PLEKHD1: variants seen among roughly 807,000 people sequenced by gnomAD.
PLEKHD1 encodes pleckstrin homology and coiled-coil domain containing D1, also known as pleckstrin homology domain-containing family D member 1.
In PLEKHD1, 51 loss-of-function variants were observed where a neutral mutation model predicts 69.2. That is an observed-to-expected ratio of 0.74 (90% confidence interval 0.59 to 0.93). The LOEUF (loss-of-function observed/expected upper bound fraction) is 0.93, where lower values mean the gene tolerates loss of function less well. Ranked by LOEUF, PLEKHD1 falls within the 40% of genes least tolerant of loss-of-function variation. PLEKHD1 has a pLI of 0.00. For synonymous variants in PLEKHD1, 236 were observed against 244.7 expected (o/e 0.96, Z 0.33); for missense variants, 584 against 641.0 (o/e 0.91, Z 0.96).
rs1883681961 is a variant in PLEKHD1, at chr14:69,527,444, C to G, written c.1201+112C>G. The G allele has an allele frequency of 3.5e-6, 5 of 1,427,510 alleles. No individual in the cohort carries two copies. The South Asian group carries it at 6.4e-5, about 18-fold the overall frequency. 88.4% of individuals were successfully genotyped at this position (1,427,510 alleles called of 1,614,324 possible). A position where few individuals can be genotyped will look rare whatever the true frequency, so the allele number is the denominator to read the frequency against. ...CAGGGTCTGCTAGGCATGAGGTGCTCCCTGGATATTGAAGGGTTTCTTCTC... is the reference window on the plus strand; with the variant it reads ...CAGGGTCTGCTAGGCATGAGGTGCTGCCTGGATATTGAAGGGTTTCTTCTC... On this transcript the variant is annotated intron_variant, in intron 11 of 12. Transcript: ENST00000322564.
chr14:69,476,511 C>G, the PLEKHD1 span, among the ~76,000 whole-genome samples: 40 of 152,110 alleles, frequency 2.6e-4, no homozygotes, highest in African/African-American at 8.0e-4. Flanking sequence ...GCTCAGTGAA[C>G]TATGATGGCA....
At chr14:69,490,076 T>C (rs1882743458) in intron 1 of PLEKHD1, among the ~76,000 whole-genome samples, 1 of 152,154 alleles carries the variant, frequency 6.6e-6, no homozygotes, top group South Asian at 2.1e-4. Context: ...CCATGTTGGC[T>C]AGGCTGTTCT....
At chr14:69,500,518 A>T in intron 2 of PLEKHD1, 59 bp from the exon 3 acceptor site, 1 of 1,429,174 alleles carries the variant, frequency 7.0e-7, no homozygotes, top group Non-Finnish European at 9.4e-7. Flanking sequence ...GGGCCCCCAG[A>T]ACCCCTGAGT....
Position 69,500,600 on chromosome 14 carries a change from C to T in PLEKHD1, c.267C>T (p.Cys89=). The T allele has an allele frequency of 6.4e-7, 1 of 1,550,900 alleles. No homozygotes were observed. Among genetic ancestry groups the T allele is most frequent in the South Asian group, 1.2e-5 (1 of 83,914 alleles). ...AGGGCGTCATCCCTCTGGGGGGCTGCCTGGTGGAGCCCAAGGAAGAGCCTA... is the reference window on the plus strand; with the variant it reads ...AGGGCGTCATCCCTCTGGGGGGCTGTCTGGTGGAGCCCAAGGAAGAGCCTA... ...HPKGVIPLGG[C]LVEPKEEPSM... The change falls in exon 3 of 13, where the codon TGC becomes TGT. Residue 89 remains cysteine, a synonymous_variant. Coordinates refer to ENST00000322564, the MANE Select transcript of PLEKHD1 (RefSeq NM_001161498.2).
chr14:69,492,315 G>A (rs1428306497), intron 1 of PLEKHD1, among the ~76,000 whole-genome samples: 1 of 152,112 alleles, frequency 6.6e-6, no homozygotes, highest in African/African-American at 2.4e-5. Context: ...TCAAAGCCCT[G>A]CTTAGTTGTC....
Position 69,528,431 on chromosome 14 carries a change from C to T in PLEKHD1, c.*12C>T. On this transcript the variant is annotated 3_prime_UTR_variant, in exon 13 of 13. Transcript: ENST00000322564. ...GGGGTGGAAAGTGATGGGCGCTCCTCCCCTGCTTCCCAAGTCTCCCCTGGA... is the reference window on the plus strand; with the variant it reads ...GGGGTGGAAAGTGATGGGCGCTCCTTCCCTGCTTCCCAAGTCTCCCCTGGA... The T allele has an allele frequency of 6.5e-7, 1 of 1,548,800 alleles. No individual in the cohort carries two copies. The highest frequency in any genetic ancestry group is 8.7e-7 in the Non-Finnish European group (1 of 1,146,484).
chr14:69,514,224 C>T (rs564694755), intron 6 of PLEKHD1, among the ~76,000 whole-genome samples: 16 of 151,042 alleles, frequency 1.1e-4, no homozygotes, highest in African/African-American at 3.4e-4. Flanking sequence ...TTGCAGTTGT[C>T]GCACAGTTCT....
chr14:69,473,936 A>T, the PLEKHD1 span, among the ~76,000 whole-genome samples: 2 of 152,078 alleles, frequency 1.3e-5, no homozygotes, highest in African/African-American at 4.8e-5. Flanking sequence ...CCCCCATCTG[A>T]ATTGGGTGTT....
At position 69,527,909 on chromosome 14, in the gene PLEKHD1, G is replaced by T. The variant is rs545252455; in HGVS notation, c.1328G>T (p.Arg443Leu). 6.4e-7 allele frequency: 1 copy of T among 1,551,556 alleles called. No homozygotes were observed. The highest frequency in any genetic ancestry group is 8.7e-7 in the Non-Finnish European group (1 of 1,146,994). ...RIKSCRFHRRRSSTSWNDMKP... is the reference protein window; with the variant it reads ...RIKSCRFHRRLSSTSWNDMKP... Reference sequence around the variant, plus strand: ...AAGAGCTGCCGCTTCCACCGACGCCGGTCCAGCACCTCCTGGAATGACAGT... The same window carrying T: ...AAGAGCTGCCGCTTCCACCGACGCCTGTCCAGCACCTCCTGGAATGACAGT... Residue 443 changes from arginine (R) to leucine (L), a missense_variant, in exon 12 of 13, where the codon CGG (arginine) becomes CTG (leucine). Transcript: ENST00000322564.
rs1479985700 is a variant in PLEKHD1, at chr14:69,526,102, G to A, written c.903G>A (p.Glu301=). Residue 301 remains glutamate (E), a synonymous_variant, in exon 9 of 13, where the codon GAG becomes GAA. Coordinates refer to ENST00000322564, the MANE Select transcript of PLEKHD1 (RefSeq NM_001161498.2). ...IEEKMQQLLE[E]KLLAEKRMKE... ...AGAAGATGCAGCAGCTCTTAGAGGA[G>A]AAGCTCCTGGCAGAGAAGCGGTGAG... The A allele has an allele frequency of 1.9e-6, 3 of 1,550,682 alleles. No individual in the cohort carries two copies. The highest frequency in any genetic ancestry group is 2.7e-5 in the African/African-American group (2 of 72,938).
chr14:69,531,210 A>G lies in PLEKHD1; in HGVS notation c.*2791A>G, dbSNP rs1015744507. 2 of 152,366 alleles carry G rather than the reference A, an allele frequency of 1.3e-5. No homozygotes were observed. Among genetic ancestry groups the G allele is most frequent in the Non-Finnish European group, 2.9e-5 (2 of 68,034 alleles). 9.4% of individuals were successfully genotyped at this position (152,366 alleles called of 1,614,324 possible). ...AATCCTGCAAACTACTGGGATAGTA[A>G]TTAAATTTCAGTGTGAGTTTGGGAG... On this transcript the variant is annotated 3_prime_UTR_variant, in exon 13 of 13. Coordinates refer to ENST00000322564, the MANE Select transcript of PLEKHD1 (RefSeq NM_001161498.2).
the PLEKHD1 span, among the ~76,000 whole-genome samples, chr14:69,473,902 T>A: frequency 6.6e-6 from 1 of 152,198 alleles, no homozygotes; most frequent in Admixed American, 6.5e-5. Flanking sequence ...ACTCCTGAAC[T>A]CTTGTTTCCT....
intron 4 of PLEKHD1, 165 bp from the exon 5 acceptor site, chr14:69,501,569 T>G (rs1883024749): frequency 1.8e-6 from 1 of 567,848 alleles, no homozygotes; most frequent in Non-Finnish European, 3.1e-6. Flanking sequence ...GCTGGTGACA[T>G]GCCCAGAGCC....
At chr14:69,506,919 T>A (rs982232066) in intron 6 of PLEKHD1, among the ~76,000 whole-genome samples, 118 of 126,862 alleles carry the variant, frequency 9.3e-4, no homozygotes, top group Non-Finnish European at 1.8e-3. Context: ...TTTTTTTTTT[T>A]AAAGACGGAA....
At chr14:69,474,672 CA>C in the PLEKHD1 span, among the ~76,000 whole-genome samples, 2 of 152,172 alleles carry the variant, frequency 1.3e-5, no homozygotes, top group Non-Finnish European at 2.9e-5. Flanking sequence ...CCTTCCTTGG[CA>C]CCCTGCAATA....
chr14:69,469,975 G>T, the PLEKHD1 span, among the ~76,000 whole-genome samples: 1 of 151,532 alleles, frequency 6.6e-6, no homozygotes, highest in Non-Finnish European at 1.5e-5. Flanking sequence ...ACCCACCTAG[G>T]CCTCCCAAAG....
At chr14:69,512,411 CT>C (rs1162918508) in intron 6 of PLEKHD1, among the ~76,000 whole-genome samples, 29 of 151,278 alleles carry the variant, frequency 1.9e-4, no homozygotes, top group Admixed American at 6.6e-5. Context: ...TGTTTTATTT[CT>C]TTTTTTCTGC....
intron 6 of PLEKHD1, among the ~76,000 whole-genome samples, chr14:69,519,925 G>A (rs906774132): frequency 6.6e-6 from 1 of 152,092 alleles, no homozygotes; most frequent in Non-Finnish European, 1.5e-5. Context: ...ACTTTGGGAG[G>A]CCAAGGTGGG....
intron 6 of PLEKHD1, among the ~76,000 whole-genome samples, chr14:69,509,837 CTG>C (rs1271333094): frequency 1.3e-5 from 2 of 151,902 alleles, no homozygotes; most frequent in Non-Finnish European, 2.9e-5. Context: ...ACTCAGGAGA[CTG>C]AGGCAGGAGA....
Sources: allele counts gnomAD v4.1 joint callset (sites outside exome capture counted in the v4.1 genomes callset), GRCh38; gene constraint gnomAD v4.1.1; transcripts MANE v1.5; gene names NCBI Gene and HGNC (gene_info 2026-07-23, HGNC 2026-07-21).